Variants in ZNF587 observed in about 807,000 individuals in gnomAD.
ZNF587 encodes the protein zinc finger protein zfp6.
Under a neutral mutation model 7.5 loss-of-function variants are expected in ZNF587, and 8 were observed. The ratio of observed to expected loss-of-function variants is 1.06; its 90% CI spans 0.62 to 1.92. ZNF587 has a LOEUF of 1.92. ZNF587 is among the 40% of genes most tolerant of loss of function. The pLI, the probability that ZNF587 is intolerant of heterozygous loss-of-function variation, is 0.00. For synonymous variants in ZNF587, 145 were observed against 237.8 expected (o/e 0.61, Z 3.59); for missense variants, 468 against 692.8 (o/e 0.68, Z 3.64).
Position 57,864,479 on chromosome 19 carries a change from A to C in ZNF587, c.*4339A>C, listed in dbSNP as rs1156661622. 5 of 152,202 alleles carry C rather than the reference A, an allele frequency of 3.3e-5. No individual in the cohort carries two copies. Among genetic ancestry groups the C allele is most frequent in the Non-Finnish European group, 4.4e-5 (3 of 68,018 alleles). 9.4% of individuals were successfully genotyped at this position (152,202 alleles called of 1,614,324 possible). ...GCATGATGTATAGGCACCTAAAGGCATGGCACTTGAGAAATGTGAATAAGA... is the reference window on the plus strand; with the variant it reads ...GCATGATGTATAGGCACCTAAAGGCCTGGCACTTGAGAAATGTGAATAAGA... On this transcript the variant is annotated 3_prime_UTR_variant, in exon 3 of 3. Transcript: ENST00000339656.
intron 1 of ZNF587, among the ~76,000 whole-genome samples, chr19:57,853,608 T>C (rs996210447): frequency 1.1e-4 from 16 of 152,090 alleles, no homozygotes; most frequent in Admixed American, 6.6e-5. Flanking sequence ...GTGACCATCA[T>C]AACAGGACAT....
rs2071416231 is a variant in ZNF587 at position 57,860,145 on chromosome 19, A to C, written c.*5A>C. The C allele has an allele frequency of 6.2e-7, 1 of 1,614,128 alleles. No individual in the cohort carries two copies. Among genetic ancestry groups the C allele is most frequent in the Non-Finnish European group, 8.5e-7 (1 of 1,179,996 alleles). On this transcript the variant is annotated 3_prime_UTR_variant, in exon 3 of 3. Coordinates refer to ENST00000339656, the MANE Select transcript of ZNF587 (RefSeq NM_032828.4). ...CACAGGAGAAAGGCCTTATGAGTGC[A>C]GTGAATATGGGAAATCGTTTGCTGA...
At position 57,862,728 on chromosome 19, in the gene ZNF587, T is replaced by G. The variant is rs1280080731; in HGVS notation, c.*2588T>G. On this transcript the variant is annotated 3_prime_UTR_variant, in exon 3 of 3. Coordinates refer to ENST00000339656, the MANE Select transcript of ZNF587 (RefSeq NM_032828.4). Reference sequence around the variant, plus strand: ...ATGTCCCAATCAGAAGAAGATTATCTGGGACACTGATACTGACAGGGAGAT... The same window carrying G: ...ATGTCCCAATCAGAAGAAGATTATCGGGGACACTGATACTGACAGGGAGAT... The G allele has an allele frequency of 6.5e-6, 1 of 154,944 alleles. No homozygotes were observed. 9.6% of individuals were successfully genotyped at this position (154,944 alleles called of 1,614,324 possible).
intron 1 of ZNF587, among the ~76,000 whole-genome samples, chr19:57,853,001 T>A (rs1277349411): frequency 1.3e-5 from 2 of 150,816 alleles, no homozygotes; most frequent in African/African-American, 4.9e-5. Context: ...TACAGGCATG[T>A]ACCACCACAC....
chr19:57,856,120 T>C lies in ZNF587; in HGVS notation c.50T>C (p.Phe17Ser). 2 of 1,613,184 alleles carry C rather than the reference T, an allele frequency of 1.2e-6. No individual in the cohort carries two copies. The highest frequency in any genetic ancestry group is 1.7e-6 in the Non-Finnish European group (2 of 1,179,688). Reference protein sequence around the residue: ...RRPTQQGTVTFEDVAVNFSQE... With the variant: ...RRPTQQGTVTSEDVAVNFSQE... ...CTATCATAGCAGGGCACTGTGACCT[T>C]TGAAGATGTGGCTGTGAACTTTTCC... Residue 17 changes from phenylalanine (F) to serine (S), a missense_variant, in exon 2 of 3, where the codon TTT becomes TCT. Physicochemically the swap from Phe to Ser is radical, Grantham distance 155. Around this residue, in one of 5 missense-constraint regions of ZNF587, gnomAD observed 92 missense variants for 89.7 expected, o/e 1.03. Transcript: ENST00000339656.
At chr19:57,857,938 T>C (rs2071384311) in intron 2 of ZNF587, among the ~76,000 whole-genome samples, 3 of 149,324 alleles carry the variant, frequency 2.0e-5, no homozygotes, top group Admixed American at 1.3e-4. Context: ...GCCCGGCCCA[T>C]ATTCTTCTAT....
chr19:57,858,525 G>A, intron 2 of ZNF587, 51 bp from the exon 3 acceptor site: 1 of 1,572,476 alleles, frequency 6.4e-7, no homozygotes. Flanking sequence ...GGTGGGCTGT[G>A]CCTTCCCGCC....
intron 1 of ZNF587, among the ~76,000 whole-genome samples, chr19:57,853,014 G>C (rs574635804): frequency 1.3e-5 from 2 of 149,136 alleles, no homozygotes; most frequent in African/African-American, 2.5e-5. Flanking sequence ...CACCACACTC[G>C]GCTAATTTTT....
chr19:57,854,813 G>C (rs1216294992), intron 1 of ZNF587, among the ~76,000 whole-genome samples: 1 of 151,886 alleles, frequency 6.6e-6, no homozygotes, highest in Non-Finnish European at 1.5e-5. Flanking sequence ...GGCCAAGGCT[G>C]GTGGATCACT....
At chr19:57,855,010 A>AC (rs2071333668) in intron 1 of ZNF587, among the ~76,000 whole-genome samples, 2 of 150,446 alleles carry the variant, frequency 1.3e-5, no homozygotes, top group African/African-American at 2.5e-5. Flanking sequence ...CCCCGTCTCT[A>AC]CTAAAAAAAA....
In ZNF587 at chr19:57,860,231, T is replaced by A. The variant is rs1244494160; in HGVS notation, c.*91T>A. The A allele has an allele frequency of 6.2e-7, 1 of 1,602,916 alleles. No homozygotes were observed. Among genetic ancestry groups the A allele is most frequent in the Admixed American group, 1.7e-5 (1 of 58,648 alleles). On this transcript the variant is annotated 3_prime_UTR_variant, in exon 3 of 3. Coordinates refer to ENST00000339656, the MANE Select transcript of ZNF587 (RefSeq NM_032828.4). The stretch of plus-strand genomic sequence containing the variant: ...CTGGAGAAAGGCCTTATGAGTGCTG[T>A]CAATGTGGAAAACATCAGAATGTCT...
Position 57,862,317 on chromosome 19 carries a change from T to G in ZNF587, c.*2177T>G, listed in dbSNP as rs2071442930. 6.6e-6 allele frequency: 1 copy of G among 152,176 alleles called. No homozygotes were observed. 9.4% of individuals were successfully genotyped at this position (152,176 alleles called of 1,614,324 possible). A position where few individuals can be genotyped will look rare whatever the true frequency, so the allele number is the denominator to read the frequency against. ...ACACTTTGTAGAAACAAGAACTTTA[T>G]GTTATCCAAGTTCTAGGATAGCCAT... On this transcript the variant is annotated 3_prime_UTR_variant, in exon 3 of 3. Transcript: ENST00000339656.
At chr19:57,857,476 T>C (rs527279844) in intron 2 of ZNF587, among the ~76,000 whole-genome samples, 2 of 152,060 alleles carry the variant, frequency 1.3e-5, no homozygotes, top group East Asian at 3.9e-4. Context: ...GTCTCTGATA[T>C]TGGTGTATTG....
In ZNF587 at chr19:57,861,538, A is replaced by G. The variant is rs1285408883; in HGVS notation, c.*1398A>G. ...TAGAGAGGGTTTTACCTTTTTGCCC[A>G]GTCTGATCGCGAACTCCTGGGCTCA... On this transcript the variant is annotated 3_prime_UTR_variant, in exon 3 of 3. Transcript: ENST00000339656. 2.0e-5 allele frequency: 3 copies of G among 152,094 alleles called. No individual in the cohort carries two copies. The highest frequency in any genetic ancestry group is 4.4e-5 in the Non-Finnish European group (3 of 68,042). The allele number at this position is 152,094 out of a possible 1,614,324, so 9.4% of individuals were successfully genotyped here. A position where few individuals can be genotyped will look rare whatever the true frequency, so the allele number is the denominator to read the frequency against.
Position 57,850,380 on chromosome 19 carries a change from T to G in ZNF587, c.33+309T>G, listed in dbSNP as rs1026829129. 16 of 581,412 alleles carry G rather than the reference T, an allele frequency of 2.8e-5. No homozygotes were observed. In the African/African-American group the frequency reaches 3.0e-4, roughly 11 times the overall value. 36.0% of individuals were successfully genotyped at this position (581,412 alleles called of 1,614,324 possible). ...TCCCTGAGCATTCTGGGATCAGAGT[T>G]TTCAAAATTTGGCGGGTAGGGGCTT... On this transcript the variant is annotated intron_variant, in intron 1 of 2. Transcript: ENST00000339656.
intron 2 of ZNF587, among the ~76,000 whole-genome samples, 188 bp downstream of exon 2, chr19:57,856,421 T>C (rs1600122229): frequency 6.6e-6 from 1 of 151,660 alleles, no homozygotes; most frequent in East Asian, 1.9e-4. Flanking sequence ...TTTTTTTTTT[T>C]TTCTGAGACA....
intron 1 of ZNF587, chr19:57,854,040 C>A (rs1173315029): frequency 1.3e-5 from 2 of 152,288 alleles, no homozygotes; most frequent in Admixed American, 6.6e-5. Context: ...GCGTGAGCCA[C>A]TGTGCCTGGC....
At position 57,862,539 on chromosome 19, in the gene ZNF587, T is replaced by A. The variant is rs2071446462; in HGVS notation, c.*2399T>A. 1 of 154,826 alleles carries A rather than the reference T, an allele frequency of 6.5e-6. No individual in the cohort carries two copies. Among genetic ancestry groups the A allele is most frequent in the South Asian group, 2.0e-4 (1 of 4,920 alleles). 9.6% of individuals were successfully genotyped at this position (154,826 alleles called of 1,614,324 possible). ...CCTGTGCAGAAACTGTCATTGCACT[T>A]TCTGCTGAAATGGCAGTTTCTTCTC... is the stretch of plus-strand genomic sequence containing the variant. On this transcript the variant is annotated 3_prime_UTR_variant, in exon 3 of 3. Transcript: ENST00000339656.
Position 57,859,912 on chromosome 19 carries a change from A to G in ZNF587, c.1500A>G (p.Ser500=), listed in dbSNP as rs573695789. Residue 500 remains serine (S), a synonymous_variant, in exon 3 of 3, where the codon TCA becomes TCG. Coordinates refer to ENST00000339656, the MANE Select transcript of ZNF587 (RefSeq NM_032828.4). ...RPYECSECGK[S]FLSSSALHVH... ...ATGAATGCAGTGAATGTGGGAAATC[A>G]TTTCTTTCCAGCTCTGCGCTTCATG... 1.9e-6 allele frequency: 3 copies of G among 1,614,088 alleles called. No homozygotes were observed. Among genetic ancestry groups the G allele is most frequent in the East Asian group, 2.2e-5 (1 of 44,870 alleles).
Sources: gnomAD v4.1 joint callset for allele counts (sites outside exome capture counted in the v4.1 genomes callset) on GRCh38, gnomAD v4.1.1 for gene constraint, gnomAD v4.1.1 regional missense constraint, MANE v1.5 for transcripts, NCBI Gene and HGNC (gene_info 2026-07-23, HGNC 2026-07-21) for gene names.